Variants in TYW1B observed in about 807,000 individuals in gnomAD.
TYW1B encodes S-adenosyl-L-methionine-dependent tRNA 4-demethylwyosine synthase TYW1B.
In TYW1B, 73 loss-of-function variants were observed where a neutral mutation model predicts 86.9. The observed-to-expected ratio is 0.84, with a 90% CI of 0.70 to 1.02. The LOEUF (loss-of-function observed/expected upper bound fraction) is 1.02. Among genes scored for constraint, TYW1B ranks in the 50% least tolerant of loss-of-function variants. TYW1B has a pLI of 0.00. For synonymous variants in TYW1B, 248 were observed against 292.8 expected (o/e 0.85, Z 1.56); for missense variants, 637 against 827.4 (o/e 0.77, Z 2.82).
Position 72,819,525 on chromosome 7 carries a change from T to G in TYW1B, c.136-4044A>C, listed in dbSNP as rs1788789078. ...ACGGCTTACTGCAGCCTTGACCTCCTGGGCTCAAGCAATCCTCCCACCTCA... is the reference window on the plus strand; with the variant it reads ...ACGGCTTACTGCAGCCTTGACCTCCGGGGCTCAAGCAATCCTCCCACCTCA... On this transcript the variant is annotated intron_variant, in intron 2 of 13. Coordinates refer to ENST00000620995, the MANE Select transcript of TYW1B (RefSeq NM_001145440.3). Among the ~76,000 whole-genome samples, 4 of 152,164 alleles carry G rather than the reference T, an allele frequency of 2.6e-5. No homozygotes were observed. The South Asian group carries it at 8.3e-4, about 31-fold the overall frequency.
chr7:72,647,404 C>T (rs1484853594), intron 11 of TYW1B, among the ~76,000 whole-genome samples: 5 of 152,098 alleles, frequency 3.3e-5, no homozygotes, highest in Non-Finnish European at 7.4e-5. Context: ...GATGAATAAG[C>T]ATGTTTATTC....
At chr7:72,769,364 A>C (rs782528404) in intron 7 of TYW1B, among the ~76,000 whole-genome samples, 22 of 152,212 alleles carry the variant, frequency 1.4e-4, no homozygotes, top group Admixed American at 7.2e-4. Context: ...GACATGTGAA[A>C]ATGTATATTT....
chr7:72,710,513 A>G (rs1266370801), intron 10 of TYW1B, among the ~76,000 whole-genome samples: 1 of 151,324 alleles, frequency 6.6e-6, no homozygotes, highest in Non-Finnish European at 1.5e-5. Context: ...ATTTTAATCA[A>G]CTCTTCGATT....
At chr7:72,807,471 G>A (rs1788520983) in intron 4 of TYW1B, 115 bp from the exon 5 acceptor site, 9 of 1,380,036 alleles carry the variant, frequency 6.5e-6, no homozygotes, top group Middle Eastern at 3.8e-4. Flanking sequence ...CTACCACTAA[G>A]AAAGAGGAAA....
chr7:72,605,783 C>T (rs1190114607), intron 13 of TYW1B, among the ~76,000 whole-genome samples: 41 of 152,178 alleles, frequency 2.7e-4, no homozygotes, highest in African/African-American at 7.7e-4. Context: ...TTTCCAGTAA[C>T]ACTGCAACAG....
chr7:72,696,198 T>C (rs1264731270), intron 10 of TYW1B, among the ~76,000 whole-genome samples: 1 of 152,176 alleles, frequency 6.6e-6, no homozygotes, highest in Admixed American at 6.6e-5. Context: ...TCCACGCACC[T>C]TGGCCTCCCA....
At chr7:72,777,831 G>A (rs550411741) in intron 6 of TYW1B, among the ~76,000 whole-genome samples, 6 of 152,196 alleles carry the variant, frequency 3.9e-5, no homozygotes, top group African/African-American at 9.6e-5. Context: ...CAGGAGAATC[G>A]CTTGAACCCG....
intron 13 of TYW1B, among the ~76,000 whole-genome samples, chr7:72,596,179 CAAAAAAAAAAAA>C (rs58325295): frequency 5.3e-5 from 3 of 56,378 alleles, no homozygotes; most frequent in Admixed American, 4.1e-4. Context: ...AACTCTGTCT[CAAAAAAAAAAAA>C]AAAAAAAAAA....
At position 72,766,572 on chromosome 7, in the gene TYW1B, C is replaced by T. The variant is rs572019146; in HGVS notation, c.964+10844G>A. ...GAGGTTGCCGTGAGCCAAGATCACG[C>T]CACTGTACACCAGCCTGGGCAACAG... On this transcript the variant is annotated intron_variant, in intron 7 of 13. Transcript: ENST00000620995. Among the ~76,000 whole-genome samples, 14 of 144,106 alleles carry T rather than the reference C, an allele frequency of 9.7e-5. No individual in the cohort carries two copies. In the East Asian group the frequency reaches 2.9e-3, roughly 30 times the overall value. The allele number at this position is 144,106 out of a possible 152,430, so 94.5% of individuals were successfully genotyped here.
At chr7:72,774,292 C>T (rs1229667291) in intron 7 of TYW1B, among the ~76,000 whole-genome samples, 15 of 147,822 alleles carry the variant, frequency 1.0e-4, no homozygotes, top group South Asian at 2.1e-4. Flanking sequence ...TAGCCCTATA[C>T]TGAGCCGGCT....
rs1291434821 is a variant in TYW1B, at chr7:72,658,082, C to T, written c.1507-29085G>A. ...CATCCTGGCTAACACAGTGAAACCC[C>T]GTCTCTACTAAAAAAATACAAAAAA... On this transcript the variant is annotated intron_variant, in intron 11 of 13. Coordinates refer to ENST00000620995, the MANE Select transcript of TYW1B (RefSeq NM_001145440.3). Among the ~76,000 whole-genome samples, 6 of 151,952 alleles carry T rather than the reference C, an allele frequency of 3.9e-5. No homozygotes were observed. In the East Asian group the frequency reaches 5.8e-4, roughly 15 times the overall value.
intron 6 of TYW1B, among the ~76,000 whole-genome samples, chr7:72,778,289 C>T (rs550473945): frequency 3.6e-4 from 55 of 152,196 alleles, no homozygotes; most frequent in Middle Eastern, 6.8e-3. Flanking sequence ...CAACACAACA[C>T]CTGATGTACA....
chr7:72,616,750 C>G lies in TYW1B; in HGVS notation c.1707G>C (p.Glu569Asp), dbSNP rs371157565. The G allele has an allele frequency of 1.2e-6, 2 of 1,614,128 alleles. No individual in the cohort carries two copies. The highest frequency in any genetic ancestry group is 1.7e-6 in the Non-Finnish European group (2 of 1,180,050). The change falls in exon 13 of 14, where the codon GAG becomes GAC. Residue 569 changes from glutamate to aspartate, a missense_variant. By Grantham distance (45) the Glu-to-Asp change is conservative. Coordinates refer to ENST00000620995, the MANE Select transcript of TYW1B (RefSeq NM_001145440.3). ...WHEEVVQFVRELVDLIPEYEI... is the reference protein window; with the variant it reads ...WHEEVVQFVRDLVDLIPEYEI... Reference sequence around the variant, plus strand: ...CATATTCGGGGATCAGATCCACCAGCTCGCGGACAAACTGTACCACTTCCT... The same window carrying G: ...CATATTCGGGGATCAGATCCACCAGGTCGCGGACAAACTGTACCACTTCCT...
intron 11 of TYW1B, among the ~76,000 whole-genome samples, chr7:72,665,293 T>C (rs1813434384): frequency 6.6e-6 from 1 of 152,214 alleles, no homozygotes; most frequent in African/African-American, 2.4e-5. Flanking sequence ...CTAGCAACCA[T>C]TATGAACCAT....
In TYW1B at chr7:72,673,828, C is replaced by T. The variant is rs192169877; in HGVS notation, c.1506+20859G>A. 2.1e-3 allele frequency among the ~76,000 whole-genome samples: 324 copies of T among 152,296 alleles called. 3 individuals are homozygous for T. The highest frequency in any genetic ancestry group is 0.02 in the Admixed American group (300 of 15,288). On this transcript the variant is annotated intron_variant, in intron 11 of 13. Coordinates refer to ENST00000620995, the MANE Select transcript of TYW1B (RefSeq NM_001145440.3). ...CACATTTTCTATCACGTAATTATTA[C>T]ATATTATATGCCTGTATCAAAGTAT...
At chr7:72,761,158 T>C (rs1167800262) in intron 7 of TYW1B, among the ~76,000 whole-genome samples, 2 of 152,128 alleles carry the variant, frequency 1.3e-5, no homozygotes, top group Non-Finnish European at 2.9e-5. Context: ...AAATAATAAA[T>C]ACTCATTAAA....
intron 11 of TYW1B, among the ~76,000 whole-genome samples, chr7:72,632,438 GTA>G (rs1327372736): frequency 2.6e-5 from 2 of 77,968 alleles, no homozygotes; most frequent in South Asian, 3.2e-4. Flanking sequence ...ATATATATAC[GTA>G]TATATATAAA....
Position 72,731,802 on chromosome 7 carries a change from C to T in TYW1B, c.1083-2871G>A, listed in dbSNP as rs572407795. Among the ~76,000 whole-genome samples, 11 of 152,086 alleles carry T rather than the reference C, an allele frequency of 7.2e-5. 1 individual carries two copies. In the East Asian group the frequency reaches 2.1e-3, roughly 29 times the overall value. On this transcript the variant is annotated intron_variant, in intron 8 of 13. Transcript: ENST00000620995. ...ACTAAAAATACAAAAATTAGCCAGG[C>T]GTGGTGGTGGGCACCTGTAATCCCA...
intron 10 of TYW1B, 25 bp downstream of exon 10, chr7:72,713,596 T>A (rs1554455239): frequency 6.4e-7 from 1 of 1,568,302 alleles, no homozygotes; most frequent in Admixed American, 2.0e-5. Flanking sequence ...TCAAGCAGCA[T>A]CTCTCCATAG....
Sources: gnomAD v4.1 joint callset for allele counts (sites outside exome capture counted in the v4.1 genomes callset) on GRCh38, gnomAD v4.1.1 for gene constraint, MANE v1.5 for transcripts, NCBI Gene and HGNC (gene_info 2026-07-23, HGNC 2026-07-21) for gene names.